The following STAM2 variants were observed in gnomAD, a reference collection of about 807,000 sequenced individuals.
STAM2 encodes the protein signal transducing adaptor molecule 2.
A neutral mutation model predicts 65.6 loss-of-function variants in STAM2; 51 were observed. The ratio of observed to expected loss-of-function variants is 0.78; its 90% CI spans 0.62 to 0.98. STAM2 has a LOEUF of 0.98. Among genes scored for constraint, STAM2 ranks in the 50% least tolerant of loss-of-function variants. The probability of loss-of-function intolerance (pLI) is 0.00; values close to 1 mark genes in which losing one functional copy is unlikely to be tolerated. For synonymous variants in STAM2, 198 were observed against 208.4 expected, an observed-to-expected ratio of 0.95 and a Z score of 0.43; for missense variants, 584 against 617.8, an observed-to-expected ratio of 0.95 and a Z score of 0.58.
chr2:152,129,042 G>GA (rs1338782495), intron 11 of STAM2, among the ~76,000 whole-genome samples: 1 of 152,148 alleles, frequency 6.6e-6, no homozygotes, highest in East Asian at 1.9e-4. Context: ...CATAGAACAA[G>GA]AAAAAATGCC....
Position 152,136,888 on chromosome 2 carries a change from TTTTC to T in STAM2, c.705-1289_705-1286del, listed in dbSNP as rs1458242857. The stretch of plus-strand genomic sequence containing the variant: ...TGCTGGGATTTAAGAATATAAACAT[TTTTC>T]TTTTTTTTTTTTTTTTTTTTGAGAC... On this transcript the variant is annotated intron_variant, in intron 7 of 13. Transcript: ENST00000263904. Among the ~76,000 whole-genome samples, 17 of 150,166 alleles carry T rather than the reference TTTTC, an allele frequency of 1.1e-4. No individual in the cohort carries two copies. In the East Asian group the frequency reaches 1.4e-3, roughly 12 times the overall value.
At chr2:152,151,120 T>C (rs901488122) in intron 1 of STAM2, among the ~76,000 whole-genome samples, 2 of 151,680 alleles carry the variant, frequency 1.3e-5, no homozygotes, top group Non-Finnish European at 2.9e-5. Flanking sequence ...TTGCTTGGGC[T>C]TATAACGCTG....
At chr2:152,137,845 T>C (rs1415501682) in intron 7 of STAM2, among the ~76,000 whole-genome samples, 1 of 152,174 alleles carries the variant, frequency 6.6e-6, no homozygotes, top group East Asian at 1.9e-4. Context: ...GAGCCATTCA[T>C]CACAGCAAAA....
intron 8 of STAM2, among the ~76,000 whole-genome samples, chr2:152,134,707 G>A (rs1373669019): frequency 1.3e-5 from 2 of 152,118 alleles, no homozygotes; most frequent in Non-Finnish European, 2.9e-5. Context: ...GTAAGACAGG[G>A]CAACAAAAGT....
At chr2:152,150,975 C>T (rs1264566241) in intron 1 of STAM2, among the ~76,000 whole-genome samples, 1 of 151,800 alleles carries the variant, frequency 6.6e-6, no homozygotes, top group East Asian at 1.9e-4. Context: ...GTTGGGATTA[C>T]AGGCCACTGC....
intron 1 of STAM2, among the ~76,000 whole-genome samples, chr2:152,158,738 G>A (rs1283608476): frequency 5.9e-5 from 9 of 152,102 alleles, no homozygotes; most frequent in Non-Finnish European, 2.9e-5. Flanking sequence ...CTGGAAAATC[G>A]AAGATCAAAG....
chr2:152,130,890 G>A (rs1434821932), intron 11 of STAM2, among the ~76,000 whole-genome samples: 1 of 151,002 alleles, frequency 6.6e-6, no homozygotes, highest in African/African-American at 2.4e-5. Flanking sequence ...CTAGCTACTT[G>A]GGAGGATGAG....
intron 7 of STAM2, among the ~76,000 whole-genome samples, chr2:152,142,182 G>A (rs952868257): frequency 6.6e-6 from 1 of 152,140 alleles, no homozygotes; most frequent in Non-Finnish European, 1.5e-5. Context: ...GACAGCAATT[G>A]ACCTACAAAT....
At chr2:152,138,621 T>C (rs1241974925) in intron 7 of STAM2, among the ~76,000 whole-genome samples, 5 of 152,238 alleles carry the variant, frequency 3.3e-5, no homozygotes, top group Non-Finnish European at 7.3e-5. Context: ...TTAATGTCTA[T>C]GATTATGAAA....
In STAM2 at chr2:152,129,784, C is replaced by T. The variant is rs73000977; in HGVS notation, c.1025+2330G>A. Among the ~76,000 whole-genome samples, 834 of 152,318 alleles carry T rather than the reference C, an allele frequency of 5.5e-3. 6 individuals are homozygous for T. The highest frequency in any genetic ancestry group is 0.019 in the African/African-American group (794 of 41,582). On this transcript the variant is annotated intron_variant, in intron 11 of 13. Transcript: ENST00000263904. ...AGTTTGATTATTCACTGAACATTAACATGCTGCATTGAAACAAAGTAGATG... is the reference window on the plus strand; with the variant it reads ...AGTTTGATTATTCACTGAACATTAATATGCTGCATTGAAACAAAGTAGATG...
chr2:152,166,095 A>G (rs1272128058), intron 1 of STAM2, among the ~76,000 whole-genome samples: 1 of 152,056 alleles, frequency 6.6e-6, no homozygotes. Flanking sequence ...CCCAGATTGA[A>G]CCTGGGAGGT....
intron 1 of STAM2, among the ~76,000 whole-genome samples, chr2:152,160,123 A>G (rs370769825): frequency 5.3e-5 from 8 of 152,112 alleles, no homozygotes; most frequent in African/African-American, 1.9e-4. Flanking sequence ...CCAAAGTGCC[A>G]AGATTGCAGC....
At chr2:152,146,760 G>A (rs147374836) in intron 5 of STAM2, among the ~76,000 whole-genome samples, 57 of 151,918 alleles carry the variant, frequency 3.8e-4, no homozygotes, top group African/African-American at 1.3e-3. Flanking sequence ...TCTCTCTTTG[G>A]TATTAAGATA....
At chr2:152,134,826 C>A (rs1279957749) in intron 8 of STAM2, among the ~76,000 whole-genome samples, 1 of 152,184 alleles carries the variant, frequency 6.6e-6, no homozygotes, top group Non-Finnish European at 1.5e-5. Flanking sequence ...TGATTACCAT[C>A]ATTAGTACTA....
chr2:152,122,488 G>A lies in STAM2; in HGVS notation c.1349+1278C>T, dbSNP rs143427442. Among the ~76,000 whole-genome samples the A allele has an allele frequency of 2.1e-3, 316 of 152,180 alleles. 1 individual carries two copies. The highest frequency in any genetic ancestry group is 6.8e-3 in the African/African-American group (281 of 41,520). ...ACCAAATATACTGCTTGCAATAAAA[G>A]AGAATTAGTTTCAAAACTACACCAG... On this transcript the variant is annotated intron_variant, in intron 13 of 13. Transcript: ENST00000263904.
At chr2:152,156,594 A>C (rs1264923740) in intron 1 of STAM2, among the ~76,000 whole-genome samples, 3 of 152,152 alleles carry the variant, frequency 2.0e-5, no homozygotes, top group Admixed American at 2.0e-4. Flanking sequence ...ATTACTGTAT[A>C]AAAAGAGCCT....
chr2:152,172,862 C>CAAAAAAA (rs1400288847), intron 1 of STAM2, among the ~76,000 whole-genome samples: 1 of 62,448 alleles, frequency 1.6e-5, no homozygotes. Context: ...AGATTCGTCT[C>CAAAAAAA]AAAAAAAAAA....
chr2:152,128,599 T>C lies in STAM2; in HGVS notation c.1026-2220A>G, dbSNP rs190884017. Among the ~76,000 whole-genome samples the C allele has an allele frequency of 3.9e-5, 6 of 152,210 alleles. No homozygotes were observed. In the South Asian group the frequency reaches 6.2e-4, roughly 16 times the overall value. ...CTGTGTTTGAAATCCCCTTAAAGATTTGAGACACAATCCCAGAGTAATAAG... is the reference window on the plus strand; with the variant it reads ...CTGTGTTTGAAATCCCCTTAAAGATCTGAGACACAATCCCAGAGTAATAAG... On this transcript the variant is annotated intron_variant, in intron 11 of 13. Coordinates refer to ENST00000263904, the MANE Select transcript of STAM2 (RefSeq NM_005843.6).
At position 152,148,024 on chromosome 2, in the gene STAM2, C is replaced by G. The variant is rs1427474849; in HGVS notation, c.300G>C (p.Lys100Asn). The change falls in exon 4 of 14, where the codon AAG becomes AAC. Residue 100 changes from lysine (K) to asparagine (N), a missense_variant and splice_region_variant. Transcript: ENST00000263904. ...ATEVRAVIKN[K>N]AHPKVCEKLK... ...AAGTTCTTCTGTTTTTAAAATTTAC[C>G]TTATTTTTAATCACAGCACGTACTT... 6.3e-7 allele frequency: 1 copy of G among 1,593,914 alleles called. No individual in the cohort carries two copies. The highest frequency in any genetic ancestry group is 1.7e-5 in the Admixed American group (1 of 57,804).
Sources: allele counts gnomAD v4.1 joint callset (sites outside exome capture counted in the v4.1 genomes callset), GRCh38; gene constraint gnomAD v4.1.1; transcripts MANE v1.5; gene names NCBI Gene and HGNC (gene_info 2026-07-23, HGNC 2026-07-21).